GRID1: variants seen among roughly 807,000 people sequenced by gnomAD.
The protein encoded by GRID1 is glutamate ionotropic receptor delta type subunit 1.
Under a neutral mutation model 98.0 loss-of-function variants are expected in GRID1, and 28 were observed. The observed-to-expected ratio is 0.29, with a 90% CI of 0.21 to 0.39. GRID1 has a LOEUF of 0.39. Ranked by LOEUF, GRID1 falls within the 10% of genes least tolerant of loss-of-function variation. The pLI is 1.00. For missense variants in GRID1, 1,111 were observed against 1,340.5 expected (o/e 0.83, Z 2.67); for synonymous variants, 553 against 538.5 (o/e 1.03, Z -0.37).
intron 8 of GRID1, among the ~76,000 whole-genome samples, chr10:85,778,535 A>G (rs571382478): frequency 6.6e-6 from 1 of 152,300 alleles, no homozygotes; most frequent in African/African-American, 2.4e-5. Flanking sequence ...ACAGTTCCTG[A>G]CCTCGGAAAA....
intron 12 of GRID1, among the ~76,000 whole-genome samples, chr10:85,660,257 G>A (rs895578587): frequency 6.6e-6 from 1 of 152,190 alleles, no homozygotes; most frequent in Non-Finnish European, 1.5e-5. Context: ...ATAGAGCATG[G>A]TCCTGTTTTT....
intron 2 of GRID1, among the ~76,000 whole-genome samples, chr10:86,241,948 C>T (rs532062361): frequency 1.3e-5 from 2 of 152,234 alleles, no homozygotes; most frequent in Non-Finnish European, 2.9e-5. Flanking sequence ...ATGCAAGGAT[C>T]GAGCTTCACC....
At chr10:86,094,899 G>A (rs893057112) in intron 4 of GRID1, among the ~76,000 whole-genome samples, 2 of 150,996 alleles carry the variant, frequency 1.3e-5, no homozygotes, top group African/African-American at 4.9e-5. Context: ...GCAAGACTAA[G>A]CAAAAGGAAC....
intron 3 of GRID1, among the ~76,000 whole-genome samples, chr10:86,154,950 T>A (rs536348299): frequency 6.6e-6 from 1 of 152,224 alleles, no homozygotes; most frequent in South Asian, 2.1e-4. Flanking sequence ...TCTATTATTA[T>A]CCCCACTTTA....
intron 2 of GRID1, among the ~76,000 whole-genome samples, chr10:86,314,516 G>A (rs1326831446): frequency 6.6e-6 from 1 of 152,214 alleles, no homozygotes. Flanking sequence ...GGAATCCCTG[G>A]CCTAGCTCAG....
intron 4 of GRID1, among the ~76,000 whole-genome samples, chr10:86,042,955 T>C (rs1024788067): frequency 1.3e-5 from 2 of 151,944 alleles, no homozygotes; most frequent in African/African-American, 4.8e-5. Flanking sequence ...CATGGTGGTG[T>C]GTGCCTGTAT....
At chr10:86,330,145 C>T (rs1178209619) in intron 2 of GRID1, among the ~76,000 whole-genome samples, 1 of 152,128 alleles carries the variant, frequency 6.6e-6, no homozygotes, top group African/African-American at 2.4e-5. Context: ...ATCTCTGTTT[C>T]CTCTGCATCC....
At chr10:86,158,744 TGATC>T (rs1845280634) in intron 3 of GRID1, among the ~76,000 whole-genome samples, 1 of 152,102 alleles carries the variant, frequency 6.6e-6, no homozygotes, top group Non-Finnish European at 1.5e-5. Flanking sequence ...AGAGTCTGGG[TGATC>T]CCACACTATC....
intron 2 of GRID1, among the ~76,000 whole-genome samples, chr10:86,307,453 T>C (rs1489698051): frequency 6.6e-6 from 1 of 152,188 alleles, no homozygotes; most frequent in East Asian, 1.9e-4. Context: ...AGACAAATAC[T>C]GCACAATCTC....
At chr10:85,829,895 T>A (rs1473988916) in intron 8 of GRID1, among the ~76,000 whole-genome samples, 1 of 152,162 alleles carries the variant, frequency 6.6e-6, no homozygotes, top group Non-Finnish European at 1.5e-5. Context: ...CTGTGCAATT[T>A]ACAGATGCAA....
At chr10:85,674,341 A>C (rs943715665) in intron 12 of GRID1, among the ~76,000 whole-genome samples, 17 of 152,300 alleles carry the variant, frequency 1.1e-4, no homozygotes, top group Admixed American at 8.5e-4. Flanking sequence ...GTGCCCAAGA[A>C]ATGTGTGTTA....
At chr10:85,713,257 A>C (rs1841601612) in intron 12 of GRID1, among the ~76,000 whole-genome samples, 1 of 151,862 alleles carries the variant, frequency 6.6e-6, no homozygotes, top group African/African-American at 2.4e-5. Context: ...AAAGGGTCAT[A>C]AGAGAACACT....
intron 2 of GRID1, among the ~76,000 whole-genome samples, chr10:86,284,889 G>T (rs777709624): frequency 6.6e-6 from 1 of 152,176 alleles, no homozygotes; most frequent in Non-Finnish European, 1.5e-5. Context: ...CTCAGGTCTG[G>T]CTCTACCCTG....
At chr10:86,092,835 G>A (rs186740257) in intron 4 of GRID1, among the ~76,000 whole-genome samples, 74 of 152,340 alleles carry the variant, frequency 4.9e-4, no homozygotes, top group African/African-American at 1.3e-3. Flanking sequence ...CATCAAGACC[G>A]AAAGTCAACA....
chr10:85,723,532 C>T (rs138432690), intron 11 of GRID1, among the ~76,000 whole-genome samples: 248 of 152,228 alleles, frequency 1.6e-3, no homozygotes, highest in African/African-American at 5.6e-3. Context: ...ATAGCAGACT[C>T]GGGAATTCTG....
chr10:86,043,686 A>G (rs1050723986), intron 4 of GRID1, among the ~76,000 whole-genome samples: 5 of 152,220 alleles, frequency 3.3e-5, no homozygotes, highest in Non-Finnish European at 5.9e-5. Context: ...GGAACTGTAC[A>G]ATGCATCATA....
Position 85,724,591 on chromosome 10 carries a change from G to T in GRID1, c.1619C>A (p.Ser540Ter). Residue 540 changes from serine to a stop codon, truncating the protein, a stop_gained, in exon 11 of 16, where the codon TCA becomes TAA. Coordinates refer to ENST00000327946, the MANE Select transcript of GRID1 (RefSeq NM_017551.3). LOFTEE classifies it high-confidence loss of function. ...GGGCTTCTTAATTAGAATCCCCACT[G>T]AATAGTCCATGTACCGCTTGCTGAA... ...VDFSKRYMDY[S>*]VGILIKKPEE... is the part of the protein sequence containing the mutation. 1 of 1,613,396 alleles carries T rather than the reference G, an allele frequency of 6.2e-7. No individual in the cohort carries two copies. Among genetic ancestry groups the T allele is most frequent in the South Asian group, 1.1e-5 (1 of 91,070 alleles).
chr10:86,044,625 C>T (rs1440642249), intron 4 of GRID1, among the ~76,000 whole-genome samples: 1 of 152,206 alleles, frequency 6.6e-6, no homozygotes, highest in Non-Finnish European at 1.5e-5. Flanking sequence ...TATCATATCA[C>T]AGAGGTGCCG....
chr10:85,642,628 T>C (rs1843135678), intron 13 of GRID1, among the ~76,000 whole-genome samples: 1 of 152,190 alleles, frequency 6.6e-6, no homozygotes, highest in Non-Finnish European at 1.5e-5. Flanking sequence ...GTTGTGAAAA[T>C]GGTGTGTTGT....
Sources: gnomAD v4.1 joint callset for allele counts (sites outside exome capture counted in the v4.1 genomes callset) on GRCh38, gnomAD v4.1.1 for gene constraint, MANE v1.5 for transcripts, NCBI Gene and HGNC (gene_info 2026-07-23, HGNC 2026-07-21) for gene names.